The following DOCK11 variants were observed in gnomAD, a reference collection of about 807,000 sequenced individuals.
The protein encoded by DOCK11 is dedicator of cytokinesis protein 11.
In DOCK11, 70 loss-of-function variants were observed where a neutral mutation model predicts 169.1. That is an observed-to-expected ratio of 0.41 (90% CI 0.34 to 0.51). DOCK11 has a LOEUF of 0.51. Among genes scored for constraint, DOCK11 ranks in the 20% least tolerant of loss-of-function variants. The pLI is 0.10. For missense variants in DOCK11, 1,166 were observed against 1,538.8 expected (o/e 0.76, Z 4.05); for synonymous variants, 529 against 541.3 (o/e 0.98, Z 0.32).
intron 4 of DOCK11, among the ~76,000 whole-genome samples, chrX:118,544,204 A>T (rs975440842): frequency 1.8e-5 from 2 of 111,881 alleles, no homozygotes; most frequent in Non-Finnish European, 3.8e-5. Flanking sequence ...AAAAAGCTTG[A>T]TGATAATTAG....
chrX:118,559,548 T>G (rs879148809), intron 6 of DOCK11, among the ~76,000 whole-genome samples: 1 of 111,345 alleles, frequency 9.0e-6, no homozygotes, highest in Admixed American at 9.7e-5. Context: ...CCTCAGCATG[T>G]AATTTTAAGC....
At chrX:118,678,568 G>A (rs140138750) in intron 48 of DOCK11, among the ~76,000 whole-genome samples, 403 of 110,467 alleles carry the variant, frequency 3.6e-3, no homozygotes, top group Middle Eastern at 9.3e-3. Context: ...CGCCTCCTGG[G>A]TTTAAGCAAT....
chrX:118,570,484 G>A (rs1470697364), intron 10 of DOCK11, among the ~76,000 whole-genome samples: 2 of 112,242 alleles, frequency 1.8e-5, no homozygotes, highest in Non-Finnish European at 3.8e-5. Flanking sequence ...CCACACATTC[G>A]CATTCCTTTT....
At chrX:118,656,593 A>G (rs1020872835) in intron 44 of DOCK11, among the ~76,000 whole-genome samples, 15 of 112,307 alleles carry the variant, frequency 1.3e-4, no homozygotes, top group Non-Finnish European at 2.8e-4. Flanking sequence ...AACTGACAAG[A>G]TATGAGAACC....
rs751120828 is a variant in DOCK11 at position 118,654,827 on chromosome X, T to TA, written c.4911+13dup. Reference sequence around the variant, plus strand: ...TGGAGATTTTTCAGAGGTGACTACTTAAAGTTTTGTTCTAAACAGCCCTTC... The same window carrying TA: ...TGGAGATTTTTCAGAGGTGACTACTTAAAAGTTTTGTTCTAAACAGCCCTTC... On this transcript the variant is annotated intron_variant, in intron 43 of 52. Coordinates refer to ENST00000276202, the MANE Select transcript of DOCK11 (RefSeq NM_144658.4). 1.7e-5 allele frequency: 20 copies of TA among 1,208,301 alleles called. No homozygotes were observed. The South Asian group carries it at 3.0e-4, about 18-fold the overall frequency.
At chrX:118,504,670 C>A (rs1236815255) in intron 1 of DOCK11, among the ~76,000 whole-genome samples, 3 of 112,484 alleles carry the variant, frequency 2.7e-5, no homozygotes, top group African/African-American at 9.7e-5. Context: ...ATACGTTTCT[C>A]TTTGAGATTT....
At position 118,641,267 on chromosome X, in the gene DOCK11, G is replaced by A; in HGVS notation, c.4222G>A (p.Val1408Ile). Reference sequence around the variant, plus strand: ...TACAGCTACTGAAGTTTCCCTAACAGTACTAGACACCATATCATTTTTCAC... The same window carrying A: ...TACAGCTACTGAAGTTTCCCTAACAATACTAGACACCATATCATTTTTCAC... The part of the protein sequence containing the change: ...GNTATEVSLT[V>I]LDTISFFTQC... The change falls in exon 39 of 53, where the codon GTA becomes ATA. Residue 1408 changes from valine (V) to isoleucine (I), a missense_variant. Physicochemically the swap from Val to Ile is conservative, Grantham distance 29. Coordinates refer to ENST00000276202, the MANE Select transcript of DOCK11 (RefSeq NM_144658.4). 2 of 1,205,802 alleles carry A rather than the reference G, an allele frequency of 1.7e-6. No individual in the cohort carries two copies. Among genetic ancestry groups the A allele is most frequent in the East Asian group, 3.0e-5 (1 of 33,824 alleles).
rs2013087576 is a variant in DOCK11, at chrX:118,566,602, C to T, written c.900C>T (p.Ala300=). The T allele has an allele frequency of 5.0e-6, 6 of 1,208,973 alleles. No homozygotes were observed. The highest frequency in any genetic ancestry group is 1.8e-5 in the African/African-American group (1 of 57,101). ...ATGAAACTAGCAGCCAAGGAAAAGC[C>T]GAGAACATCATGGCAAGTTTGGAAA... ...QDDETSSQGK[A]ENIMASLERS... is the part of the protein sequence containing the mutation. The change falls in exon 9 of 53, where the codon GCC becomes GCT. Residue 300 remains alanine (A), a synonymous_variant. Coordinates refer to ENST00000276202, the MANE Select transcript of DOCK11 (RefSeq NM_144658.4).
rs370800888 is a variant in DOCK11, at chrX:118,654,555, A to G, written c.4696-47A>G. The G allele has an allele frequency of 4.8e-5, 55 of 1,141,228 alleles. No individual in the cohort carries two copies. The African/African-American group carries it at 9.3e-4, about 19-fold the overall frequency. The allele number at this position is 1,141,228 out of a possible 1,213,427, so 94.0% of individuals were successfully genotyped here. ...CATTGGATGACAAGCCTTAGAGCAC[A>G]TCGATATTGTTGTTCAACTTGTCTT... On this transcript the variant is annotated intron_variant, in intron 42 of 52. Coordinates refer to ENST00000276202, the MANE Select transcript of DOCK11 (RefSeq NM_144658.4).
intron 24 of DOCK11, among the ~76,000 whole-genome samples, chrX:118,607,577 G>A (rs1165282577): frequency 2.8e-5 from 3 of 108,550 alleles, no homozygotes; most frequent in Non-Finnish European, 3.8e-5. Context: ...CCCCGCCACC[G>A]CGCCTGGCTA....
intron 31 of DOCK11, among the ~76,000 whole-genome samples, chrX:118,623,013 C>G (rs1300792641): frequency 1.8e-5 from 2 of 111,739 alleles, no homozygotes; most frequent in East Asian, 5.6e-4. Flanking sequence ...GTTGGGAGTT[C>G]GAGACCAGCC....
intron 27 of DOCK11, among the ~76,000 whole-genome samples, chrX:118,609,821 G>T (rs1030667072): frequency 1.8e-5 from 2 of 112,306 alleles, no homozygotes; most frequent in African/African-American, 6.5e-5. Context: ...TGTTTGAAAG[G>T]TATAAAAATA....
intron 6 of DOCK11, among the ~76,000 whole-genome samples, chrX:118,556,233 T>TG (rs2012688843): frequency 9.4e-6 from 1 of 106,547 alleles, no homozygotes; most frequent in Non-Finnish European, 1.9e-5. Context: ...TTAGCAGAGA[T>TG]GGGGTTTCAC....
chrX:118,642,270 C>T (rs1303914266), intron 39 of DOCK11, among the ~76,000 whole-genome samples: 7 of 111,767 alleles, frequency 6.3e-5, no homozygotes, highest in Non-Finnish European at 1.3e-4. Flanking sequence ...AGATATCAGG[C>T]ACTGTCCTAA....
rs776584818 is a variant in DOCK11 at position 118,641,214 on chromosome X, T to C, written c.4169T>C (p.Ile1390Thr). The change falls in exon 39 of 53, where the codon ATT becomes ACT. Residue 1390 changes from isoleucine to threonine, a missense_variant. Physicochemically the swap from Ile to Thr is moderately conservative, Grantham distance 89 (BLOSUM62 -1). Transcript: ENST00000276202. ...NHSSTTTEAD[I>T]FHQALLEGNT... is the part of the protein sequence containing the mutation. Reference sequence around the variant, plus strand: ...GGTTCTACAACAACTGAAGCAGACATTTTCCACCAGGCACTTCTTGAAGGC... The same window carrying C: ...GGTTCTACAACAACTGAAGCAGACACTTTCCACCAGGCACTTCTTGAAGGC... 2 of 1,207,020 alleles carry C rather than the reference T, an allele frequency of 1.7e-6. No homozygotes were observed. Among genetic ancestry groups the C allele is most frequent in the Admixed American group, 2.2e-5 (1 of 45,709 alleles).
At position 118,613,567 on chromosome X, in the gene DOCK11, A is replaced by C. The variant is rs141245044; in HGVS notation, c.3097-1125A>C. 6.1e-3 allele frequency among the ~76,000 whole-genome samples: 693 copies of C among 112,951 alleles called. 7 individuals are homozygous for C. Among genetic ancestry groups the C allele is most frequent in the African/African-American group, 0.021 (669 of 31,128 alleles). On this transcript the variant is annotated intron_variant, in intron 28 of 52. Coordinates refer to ENST00000276202, the MANE Select transcript of DOCK11 (RefSeq NM_144658.4). ...ATGTAGTTAAGGAAGATGGGATTTC[A>C]TGAGAACCTTAAAGAATGAATAAGA...
intron 42 of DOCK11, among the ~76,000 whole-genome samples, chrX:118,652,705 G>A (rs185852025): frequency 2.7e-5 from 3 of 111,964 alleles, no homozygotes; most frequent in East Asian, 5.6e-4. Flanking sequence ...GCTTTGTTGC[G>A]TAGAGTGCAG....
At chrX:118,510,151 G>A (rs1464063609) in intron 1 of DOCK11, among the ~76,000 whole-genome samples, 1 of 111,991 alleles carries the variant, frequency 8.9e-6, no homozygotes, top group Non-Finnish European at 1.9e-5. Context: ...CCATCATTGA[G>A]GAACCATTAT....
intron 1 of DOCK11, among the ~76,000 whole-genome samples, chrX:118,520,156 A>C (rs1261792480): frequency 1.8e-5 from 2 of 112,220 alleles, no homozygotes; most frequent in African/African-American, 6.5e-5. Context: ...ACTTCTAAAC[A>C]TCAGTACTAG....
Sources: gnomAD v4.1 joint callset for allele counts (sites outside exome capture counted in the v4.1 genomes callset) on GRCh38, gnomAD v4.1.1 for gene constraint, MANE v1.5 for transcripts, NCBI Gene and HGNC (gene_info 2026-07-23, HGNC 2026-07-21) for gene names.